The following MMP2 variants were observed in gnomAD, a reference collection of about 807,000 sequenced individuals.
MMP2 encodes matrix metallopeptidase 2.
In MMP2, 39 loss-of-function variants were observed where a neutral mutation model predicts 74.8. The ratio of observed to expected loss-of-function variants is 0.52; its 90% CI spans 0.40 to 0.68. The LOEUF (loss-of-function observed/expected upper bound fraction) is 0.68. Ranked by LOEUF, MMP2 falls within the 30% of genes least tolerant of loss-of-function variation. MMP2 has a pLI of 0.00. For synonymous variants in MMP2, 367 were observed against 339.8 expected (o/e 1.08, Z -0.88); for missense variants, 803 against 878.3 (o/e 0.91, Z 1.08).
In MMP2 at chr16:55,481,748, T is replaced by G. The variant is rs189773305; in HGVS notation, c.154-1161T>G. ...GACCGCTTGGCTTCAAATCAAAGAG[T>G]GCATGAACCAACCAGCTGGCCTAGT... On this transcript the variant is annotated intron_variant, in intron 1 of 12. Transcript: ENST00000219070. 275 of 695,416 alleles carry G rather than the reference T, an allele frequency of 4.0e-4. No homozygotes were observed. The African/African-American group carries it at 4.5e-3, about 11-fold the overall frequency. 43.1% of individuals were successfully genotyped at this position (695,416 alleles called of 1,614,324 possible).
rs1296980365 is a variant in MMP2, at chr16:55,506,250, A to G, written c.*808A>G. The G allele has an allele frequency of 1.3e-5, 2 of 152,210 alleles. No individual in the cohort carries two copies. The highest frequency in any genetic ancestry group is 1.9e-4 in the East Asian group (1 of 5,190). 9.4% of individuals were successfully genotyped at this position (152,210 alleles called of 1,614,324 possible). ...CACCTACTGAGTGGCCGTGTTTGCC[A>G]TCTGTTTTAGCAGAGCCTAGACAAG... On this transcript the variant is annotated 3_prime_UTR_variant, in exon 13 of 13. Transcript: ENST00000219070.
rs1177946947 is a variant in MMP2, at chr16:55,482,836, C to T, written c.154-73C>T. The T allele has an allele frequency of 3.8e-6, 5 of 1,317,942 alleles. No homozygotes were observed. The African/African-American group carries it at 7.2e-5, about 19-fold the overall frequency. 81.6% of individuals were successfully genotyped at this position (1,317,942 alleles called of 1,614,324 possible). Reference sequence around the variant, plus strand: ...TGGCACTGGGTTGGGGGGCTGATTGCTACAGCCTGCTTTGGTCAGTACTGT... The same window carrying T: ...TGGCACTGGGTTGGGGGGCTGATTGTTACAGCCTGCTTTGGTCAGTACTGT... On this transcript the variant is annotated intron_variant, in intron 1 of 12. Transcript: ENST00000219070.
Position 55,505,492 on chromosome 16 carries a change from C to T in MMP2, c.*50C>T, listed in dbSNP as rs756516690. 1.2e-5 allele frequency: 19 copies of T among 1,525,188 alleles called. No homozygotes were observed. Among genetic ancestry groups the T allele is most frequent in the Middle Eastern group, 1.9e-4 (1 of 5,288 alleles). The allele number at this position is 1,525,188 out of a possible 1,614,324, so 94.5% of individuals were successfully genotyped here. Reference sequence around the variant, plus strand: ...TTCCTCTCCACTGCCTTCGATACACCGGGCCTGGAGAACTAGAGAAGGACC... The same window carrying T: ...TTCCTCTCCACTGCCTTCGATACACTGGGCCTGGAGAACTAGAGAAGGACC... On this transcript the variant is annotated 3_prime_UTR_variant, in exon 13 of 13. Coordinates refer to ENST00000219070, the MANE Select transcript of MMP2 (RefSeq NM_004530.6).
At chr16:55,482,797 T>C (rs1276109347) in intron 1 of MMP2, 112 bp from the exon 2 acceptor site, 1 of 927,918 alleles carries the variant, frequency 1.1e-6, no homozygotes, top group East Asian at 2.6e-5. Flanking sequence ...CTGGCTTATT[T>C]CCTGTCTGGA....
At position 55,506,208 on chromosome 16, in the gene MMP2, A is replaced by G. The variant is rs571732457; in HGVS notation, c.*766A>G. 1 of 152,430 alleles carries G rather than the reference A, an allele frequency of 6.6e-6. No individual in the cohort carries two copies. Among genetic ancestry groups the G allele is most frequent in the East Asian group, 1.9e-4 (1 of 5,166 alleles). The allele number at this position is 152,430 out of a possible 1,614,324, so 9.4% of individuals were successfully genotyped here. The stretch of plus-strand genomic sequence containing the variant: ...CAACCATTCCCCATGGGAAATGTCA[A>G]CAAGTATGAATAAAGACACCTACTG... On this transcript the variant is annotated 3_prime_UTR_variant, in exon 13 of 13. Coordinates refer to ENST00000219070, the MANE Select transcript of MMP2 (RefSeq NM_004530.6).
At chr16:55,501,344 T>C (rs1962662251) in intron 11 of MMP2, among the ~76,000 whole-genome samples, 1 of 152,216 alleles carries the variant, frequency 6.6e-6, no homozygotes, top group South Asian at 2.1e-4. Flanking sequence ...AAACTAATTC[T>C]CTTATCTGAG....
Position 55,479,297 on chromosome 16 carries a change from CG to C in MMP2, c.-178del, listed in dbSNP as rs1962033930. 2 of 547,484 alleles carry C rather than the reference CG, an allele frequency of 3.7e-6. No homozygotes were observed. Among genetic ancestry groups the C allele is most frequent in the Admixed American group, 4.7e-5 (1 of 21,068 alleles). The allele number at this position is 547,484 out of a possible 1,614,324, so 33.9% of individuals were successfully genotyped here. The stretch of plus-strand genomic sequence containing the variant: ...GGACCTGCGGCGGCGGCGGCGGCGG[CG>C]GGGGCTGGGGCGCGGGGGCCGGACC... On this transcript the variant is annotated 5_prime_UTR_variant, in exon 1 of 13. Coordinates refer to ENST00000219070, the MANE Select transcript of MMP2 (RefSeq NM_004530.6).
intron 8 of MMP2, 101 bp from the exon 9 acceptor site, chr16:55,493,057 C>T (rs528125630): frequency 6.8e-7 from 1 of 1,470,436 alleles, no homozygotes; most frequent in East Asian, 2.4e-5. Context: ...AAGGCGATTT[C>T]TTCTGACTCT....
Position 55,479,643 on chromosome 16 carries a change from G to T in MMP2, c.153+11G>T. ...AAAGAGTTGGCAGTGGTGAGTTGCT[G>T]CGCTGGCCTCAAGGAACCACGTTTA... is the stretch of plus-strand genomic sequence containing the variant. On this transcript the variant is annotated intron_variant, in intron 1 of 12. Transcript: ENST00000219070. 1 of 1,613,728 alleles carries T rather than the reference G, an allele frequency of 6.2e-7. No homozygotes were observed. Among genetic ancestry groups the T allele is most frequent in the South Asian group, 1.1e-5 (1 of 91,082 alleles).
At chr16:55,482,576 CCT>C (rs1350531286) in intron 1 of MMP2, among the ~76,000 whole-genome samples, 1 of 152,190 alleles carries the variant, frequency 6.6e-6, no homozygotes, top group Non-Finnish European at 1.5e-5. Context: ...TCAGTTTCCT[CCT>C]CTGTATAATA....
chr16:55,495,279 A>G (rs1190802450), intron 9 of MMP2, among the ~76,000 whole-genome samples: 4 of 152,204 alleles, frequency 2.6e-5, no homozygotes, highest in East Asian at 1.9e-4. Flanking sequence ...CTGACCACAC[A>G]TGCAGATCTC....
chr16:55,485,207 TG>T, intron 3 of MMP2, 91 bp from the exon 4 acceptor site: 1 of 1,576,316 alleles, frequency 6.3e-7, no homozygotes, highest in Non-Finnish European at 8.7e-7. Context: ...AGATGCTGGG[TG>T]GGCTGACAGG....
rs1405973730 is a variant in MMP2 at position 55,483,113 on chromosome 16, G to A, written c.358G>A (p.Asp120Asn). 1.2e-6 allele frequency: 2 copies of A among 1,614,058 alleles called. No homozygotes were observed. The highest frequency in any genetic ancestry group is 2.2e-5 in the South Asian group (2 of 91,066). The stretch of plus-strand genomic sequence containing the variant: ...CTTCTTCCCTCGCAAGCCCAAGTGG[G>A]ACAAGAACCAGATCACATACAGGTG... ...YNFFPRKPKWDKNQITYRIIG... is the reference protein window; with the variant it reads ...YNFFPRKPKWNKNQITYRIIG... Residue 120 changes from aspartate (D) to asparagine (N), a missense_variant, in exon 2 of 13, where the codon GAC becomes AAC. Asp to Asn is a conservative substitution (Grantham distance 23, BLOSUM62 1). Around this residue, in one of 3 missense-constraint regions of MMP2, gnomAD observed 223 missense variants for 232.8 expected, o/e 0.96. Transcript: ENST00000219070.
At position 55,483,184 on chromosome 16, in the gene MMP2, G is replaced by A. The variant is rs201766967; in HGVS notation, c.380+49G>A. ...GCAGGGCCATGGGGCTGAGGGACAC[G>A]AGTCTCCTTGACCCATGCATTCTCT... On this transcript the variant is annotated intron_variant, in intron 2 of 12. Transcript: ENST00000219070. 72 of 1,468,908 alleles carry A rather than the reference G, an allele frequency of 4.9e-5. No individual in the cohort carries two copies. In the East Asian group the frequency reaches 1.2e-3, roughly 25 times the overall value. The allele number at this position is 1,468,908 out of a possible 1,614,324, so 91.0% of individuals were successfully genotyped here. A position where few individuals can be genotyped will look rare whatever the true frequency, so the allele number is the denominator to read the frequency against.
chr16:55,493,078 G>T lies in MMP2; in HGVS notation c.1337-80G>T, dbSNP rs1962450756. On this transcript the variant is annotated intron_variant, in intron 8 of 12. Transcript: ENST00000219070. ...ATTTCTTCTGACTCTTAGATGGTTGGGTGGGCACCCCTGGGGGCTCACCCT... is the reference window on the plus strand; with the variant it reads ...ATTTCTTCTGACTCTTAGATGGTTGTGTGGGCACCCCTGGGGGCTCACCCT... The T allele has an allele frequency of 1.9e-6, 3 of 1,567,060 alleles. No individual in the cohort carries two copies. The South Asian group carries it at 3.4e-5, about 18-fold the overall frequency.
In MMP2 at chr16:55,491,745, T is replaced by C; in HGVS notation, c.1181-56T>C. On this transcript the variant is annotated intron_variant, in intron 7 of 12. Coordinates refer to ENST00000219070, the MANE Select transcript of MMP2 (RefSeq NM_004530.6). Reference sequence around the variant, plus strand: ...CTGCATCACTGGGTCAGGTCTTGACTTCTCTCTCATCTCTCTTCCTGTCTT... The same window carrying C: ...CTGCATCACTGGGTCAGGTCTTGACCTCTCTCTCATCTCTCTTCCTGTCTT... 3.1e-6 allele frequency: 5 copies of C among 1,604,634 alleles called. No homozygotes were observed. The South Asian group carries it at 5.5e-5, about 18-fold the overall frequency.
At chr16:55,491,748 T>G in intron 7 of MMP2, 53 bp from the exon 8 acceptor site, 1 of 1,607,208 alleles carries the variant, frequency 6.2e-7, no homozygotes, top group South Asian at 1.1e-5. Context: ...TCTTGACTTC[T>G]CTCTCATCTC....
intron 7 of MMP2, 102 bp from the exon 8 acceptor site, chr16:55,491,699 T>C: frequency 7.5e-7 from 1 of 1,331,796 alleles, no homozygotes; most frequent in Non-Finnish European, 1.1e-6. Context: ...TCAGCCTTAC[T>C]GTGGGGCTGT....
rs71149619 is a variant in MMP2, at chr16:55,504,651, ATT to A, written c.1880-670_1880-669del. ...AATCAGCTCAGATTGAAACAATTGA[ATT>A]TTTTTTTTTTTTTTTTTGAGACAGA... On this transcript the variant is annotated intron_variant, in intron 12 of 12. Transcript: ENST00000219070. 3.0e-3 allele frequency among the ~76,000 whole-genome samples: 391 copies of A among 131,658 alleles called. 1 individual carries two copies. Among genetic ancestry groups the A allele is most frequent in the South Asian group, 6.2e-3 (25 of 4,052 alleles). 86.4% of individuals were successfully genotyped at this position (131,658 alleles called of 152,430 possible).
Sources: gnomAD v4.1 joint callset for allele counts (sites outside exome capture counted in the v4.1 genomes callset) on GRCh38, gnomAD v4.1.1 for gene constraint, gnomAD v4.1.1 regional missense constraint, MANE v1.5 for transcripts, NCBI Gene and HGNC (gene_info 2026-07-23, HGNC 2026-07-21) for gene names.